TRPM6: variants seen among roughly 807,000 people sequenced by gnomAD.
The protein encoded by TRPM6 is channel kinase 2.
TRPM6 carries 111 observed loss-of-function variants against 247.6 expected under a neutral mutation model. That is an observed-to-expected ratio of 0.45 (90% CI 0.38 to 0.52). TRPM6 has a LOEUF of 0.52. Ranked by LOEUF, TRPM6 falls within the 20% of genes least tolerant of loss-of-function variation. The pLI is 0.00. For missense variants in TRPM6, 2,126 were observed against 2,421.5 expected, an observed-to-expected ratio of 0.88 and a Z score of 2.56; for synonymous variants, 892 against 853.8, an observed-to-expected ratio of 1.04 and a Z score of -0.78.
At chr9:74,773,082 G>A (rs375371135) in intron 24 of TRPM6, among the ~76,000 whole-genome samples, 4 of 152,112 alleles carry the variant, frequency 2.6e-5, no homozygotes, top group South Asian at 2.1e-4. Flanking sequence ...AGCCGAGATC[G>A]CTCCACTGCA....
intron 25 of TRPM6, 148 bp downstream of exon 25, chr9:74,771,555 T>G (rs1029687724): frequency 1.4e-6 from 1 of 737,258 alleles, no homozygotes; most frequent in Non-Finnish European, 2.2e-6. Flanking sequence ...TATACTTTGA[T>G]TACATGAATA....
At chr9:74,869,404 A>C (rs1276359620) in intron 1 of TRPM6, among the ~76,000 whole-genome samples, 1 of 149,498 alleles carries the variant, frequency 6.7e-6, no homozygotes, top group Non-Finnish European at 1.5e-5. Flanking sequence ...CAGGAGGCGG[A>C]GGTAACGCCA....
intron 29 of TRPM6, among the ~76,000 whole-genome samples, chr9:74,751,388 C>T (rs191462576): frequency 3.9e-5 from 6 of 152,208 alleles, no homozygotes; most frequent in East Asian, 1.9e-4. Flanking sequence ...AGCTTTGAAA[C>T]GTAGAAAGTG....
At chr9:74,849,611 C>T (rs73536108) in intron 3 of TRPM6, among the ~76,000 whole-genome samples, 8,411 of 152,194 alleles carry the variant, frequency 0.055, 763 homozygotes, top group African/African-American at 0.19. Context: ...TTAAGCCACC[C>T]AGTTTGTGGT....
chr9:74,882,211 T>C (rs951539911), intron 1 of TRPM6, among the ~76,000 whole-genome samples: 1 of 152,104 alleles, frequency 6.6e-6, no homozygotes, highest in African/African-American at 2.4e-5. Context: ...ATTCAGTGCT[T>C]CTTGGTTGGT....
In TRPM6 at chr9:74,762,730, C is replaced by A. The variant is rs137885154; in HGVS notation, c.3941G>T (p.Arg1314Ile). The A allele has an allele frequency of 1.2e-6, 2 of 1,614,154 alleles. No individual in the cohort carries two copies. The highest frequency in any genetic ancestry group is 2.7e-5 in the African/African-American group (2 of 75,046). ...TGTTTCTTGCCTTTCCTGGTCATTT[C>A]TTACATTTGTAGCCTCTCTTTTACT... ...TNSKREATNV[R>I]NDQERQETQS... Residue 1314 changes from arginine to isoleucine, a missense_variant, in exon 26 of 39, where the codon AGA becomes ATA. Physicochemically the swap from Arg to Ile is moderately conservative, Grantham distance 97. Around this residue, in one of 3 missense-constraint regions of TRPM6, gnomAD observed 717 missense variants for 715.9 expected, o/e 1.00. Coordinates refer to ENST00000360774, the MANE Select transcript of TRPM6 (RefSeq NM_017662.5).
At chr9:74,833,867 A>G (rs1829625577) in intron 6 of TRPM6, 131 bp downstream of exon 6, 2 of 1,251,376 alleles carry the variant, frequency 1.6e-6, no homozygotes, top group Non-Finnish European at 2.3e-6. Context: ...GGGAAGCAGC[A>G]GAAAGTCAGG....
At chr9:74,729,198 G>C (rs1057351966) in intron 37 of TRPM6, among the ~76,000 whole-genome samples, 6 of 152,114 alleles carry the variant, frequency 3.9e-5, no homozygotes, top group Non-Finnish European at 8.8e-5. Context: ...ATGCAGAGTG[G>C]AAACAGCACA....
chr9:74,828,563 C>G (rs996663468), intron 6 of TRPM6, among the ~76,000 whole-genome samples: 1 of 151,960 alleles, frequency 6.6e-6, no homozygotes, highest in African/African-American at 2.4e-5. Context: ...CTGCTTTCCA[C>G]GTGCTTGAAT....
At chr9:74,812,784 G>A (rs1316285770) in intron 11 of TRPM6, among the ~76,000 whole-genome samples, 1 of 152,122 alleles carries the variant, frequency 6.6e-6, no homozygotes, top group Non-Finnish European at 1.5e-5. Flanking sequence ...CAGCTAATTG[G>A]GAGGCTGAGG....
chr9:74,733,752 TTCTCCA>T (rs1255652498), intron 36 of TRPM6, among the ~76,000 whole-genome samples: 2 of 151,728 alleles, frequency 1.3e-5, no homozygotes, highest in East Asian at 3.9e-4. Context: ...GAGACCAGGT[TTCTCCA>T]TGTTGGTCAG....
At chr9:74,882,157 A>T (rs537653175) in intron 1 of TRPM6, among the ~76,000 whole-genome samples, 11 of 152,198 alleles carry the variant, frequency 7.2e-5, no homozygotes, top group Non-Finnish European at 1.3e-4. Context: ...TTTTGCAGCT[A>T]AGACCTCATA....
At chr9:74,839,967 G>A in intron 5 of TRPM6, 57 bp downstream of exon 5, 1 of 1,308,104 alleles carries the variant, frequency 7.6e-7, no homozygotes, top group Non-Finnish European at 1.1e-6. Flanking sequence ...GGGAGAGAGG[G>A]AGGGAGAGAG....
At chr9:74,735,379 C>T (rs895094868) in intron 36 of TRPM6, among the ~76,000 whole-genome samples, 2 of 152,106 alleles carry the variant, frequency 1.3e-5, no homozygotes, top group African/African-American at 4.8e-5. Context: ...TTATGAGGAA[C>T]TCAAGATTGA....
Position 74,728,243 on chromosome 9 carries a change from G to C in TRPM6, c.5931C>G (p.Leu1977=). 2.5e-6 allele frequency: 4 copies of C among 1,612,396 alleles called. No homozygotes were observed. The African/African-American group carries it at 4.0e-5, about 16-fold the overall frequency. The part of the protein sequence containing the change: ...HCNSCCRKLK[L]PDLKRNDYSP... ...AAAGAACTGTTAGTGGCATACCCGG[G>C]AGTTTGAGCTTCCGGCAGCAGGAGT... The change falls in exon 38 of 39, where the codon CTC becomes CTG. Residue 1977 remains leucine, a synonymous_variant. Transcript: ENST00000360774.
At chr9:74,787,357 A>C (rs1174511006) in intron 20 of TRPM6, among the ~76,000 whole-genome samples, 1 of 152,034 alleles carries the variant, frequency 6.6e-6, no homozygotes, top group Non-Finnish European at 1.5e-5. Flanking sequence ...AAAAGAAAAA[A>C]AAAGAATGTG....
At chr9:74,767,152 A>C (rs1826855487) in intron 25 of TRPM6, among the ~76,000 whole-genome samples, 1 of 152,198 alleles carries the variant, frequency 6.6e-6, no homozygotes, top group African/African-American at 2.4e-5. Context: ...GTAAGGTTTC[A>C]TGGTCAAATA....
At chr9:74,887,369 G>T in intron 1 of TRPM6, 1 of 1,390,712 alleles carries the variant, frequency 7.2e-7, no homozygotes, top group Non-Finnish European at 9.3e-7. Flanking sequence ...GCTAGTCAGC[G>T]TCCGGGTCTG....
rs146469022 is a variant in TRPM6, at chr9:74,790,623, G to A, written c.2539-1881C>T. Among the ~76,000 whole-genome samples, 510 of 152,118 alleles carry A rather than the reference G, an allele frequency of 3.4e-3. 2 individuals are homozygous for A. The highest frequency in any genetic ancestry group is 5.6e-3 in the Non-Finnish European group (380 of 67,990). On this transcript the variant is annotated intron_variant, in intron 19 of 38. Coordinates refer to ENST00000360774, the MANE Select transcript of TRPM6 (RefSeq NM_017662.5). ...TGTTTGGCAACGTCTTCTTCTCACC[G>A]CCCCTCTGCTGCCTAGTATACTATG...
Sources: gnomAD v4.1 joint callset for allele counts (sites outside exome capture counted in the v4.1 genomes callset) on GRCh38, gnomAD v4.1.1 for gene constraint, gnomAD v4.1.1 regional missense constraint, MANE v1.5 for transcripts, NCBI Gene and HGNC (gene_info 2026-07-23, HGNC 2026-07-21) for gene names.